MAP2K4: variants seen among roughly 807,000 people sequenced by gnomAD.
The protein encoded by MAP2K4 is mitogen-activated protein kinase kinase 4.
A neutral mutation model predicts 48.5 loss-of-function variants in MAP2K4; 4 were observed. That is an observed-to-expected ratio of 0.08 (90% CI 0.04 to 0.19). The LOEUF is 0.19. Among genes scored for constraint, MAP2K4 ranks in the 10% least tolerant of loss-of-function variants. The probability of loss-of-function intolerance (pLI) is 1.00; values close to 1 mark genes in which losing one functional copy is unlikely to be tolerated. For synonymous variants in MAP2K4, 166 were observed against 173.1 expected (o/e 0.96, Z 0.32); for missense variants, 258 against 493.3 (o/e 0.52, Z 4.52).
At chr17:12,098,009 AAG>A (rs1971816237) in intron 4 of MAP2K4, among the ~76,000 whole-genome samples, 1 of 152,200 alleles carries the variant, frequency 6.6e-6, no homozygotes, top group Admixed American at 6.5e-5. Flanking sequence ...TCTGAATAAT[AAG>A]AGTTTTAGAA....
chr17:12,027,299 A>G (rs1364282602), intron 1 of MAP2K4, among the ~76,000 whole-genome samples: 3 of 152,180 alleles, frequency 2.0e-5, no homozygotes, highest in African/African-American at 7.2e-5. Context: ...GAAGAAAACA[A>G]TTACATTGTA....
chr17:12,115,368 A>G (rs1040342075), intron 7 of MAP2K4, among the ~76,000 whole-genome samples: 3 of 152,172 alleles, frequency 2.0e-5, no homozygotes, highest in Non-Finnish European at 2.9e-5. Flanking sequence ...ATAGCCTACT[A>G]CACACATAGG....
At chr17:12,118,320 T>G (rs1401873583) in intron 7 of MAP2K4, among the ~76,000 whole-genome samples, 3 of 152,292 alleles carry the variant, frequency 2.0e-5, no homozygotes, top group Non-Finnish European at 2.9e-5. Context: ...AGAAAAACTG[T>G]GACGGGATGT....
At position 12,081,524 on chromosome 17, in the gene MAP2K4, A is replaced by G; in HGVS notation, c.387A>G (p.Ala129=). The change falls in exon 3 of 11, where the codon GCA becomes GCG. Residue 129 remains alanine, a synonymous_variant. Coordinates refer to ENST00000353533, the MANE Select transcript of MAP2K4 (RefSeq NM_003010.4). This position sits in a 1 kb window ranked among gnomAD's most constrained non-coding sequence, Gnocchi z 4.2. ...ACAAACCAAGTGGGCAAATAATGGC[A>G]GTTAAAGTAGGTGATGCCATGATTA... ...MVHKPSGQIM[A]VKRIRSTVDE... is the part of the protein sequence containing the mutation. The G allele has an allele frequency of 6.2e-7, 1 of 1,613,860 alleles. No homozygotes were observed. The highest frequency in any genetic ancestry group is 2.2e-5 in the East Asian group (1 of 44,876).
At chr17:12,088,208 A>G (rs1171654279) in intron 3 of MAP2K4, among the ~76,000 whole-genome samples, 1 of 151,892 alleles carries the variant, frequency 6.6e-6, no homozygotes, top group Non-Finnish European at 1.5e-5. Flanking sequence ...TATCCTCTAC[A>G]TCACTGACTT....
chr17:12,022,175 C>T (rs1184365767), intron 1 of MAP2K4, among the ~76,000 whole-genome samples: 2 of 152,108 alleles, frequency 1.3e-5, no homozygotes, highest in African/African-American at 2.4e-5. Context: ...TTGAATAGTT[C>T]ATGTTTATAG....
chr17:12,129,068 T>G (rs78859132), intron 8 of MAP2K4, 71 bp from the exon 9 acceptor site: 1 of 1,488,210 alleles, frequency 6.7e-7, no homozygotes, highest in South Asian at 1.2e-5. Flanking sequence ...TAGATTTTTT[T>G]GTGGCCCTTC....
In MAP2K4 at chr17:12,113,221, T is replaced by G. The variant is rs1972366939; in HGVS notation, c.686-12T>G. The G allele has an allele frequency of 6.2e-7, 1 of 1,611,698 alleles. No individual in the cohort carries two copies. The highest frequency in any genetic ancestry group is 1.3e-5 in the African/African-American group (1 of 74,872). ...AGCTAATTGTATACTGAATGATATCTATGTCTTGCAGATATCAAACCTTCC... is the reference window on the plus strand; with the variant it reads ...AGCTAATTGTATACTGAATGATATCGATGTCTTGCAGATATCAAACCTTCC... On this transcript the variant is annotated splice_polypyrimidine_tract_variant and intron_variant, in intron 6 of 10. Transcript: ENST00000353533.
At chr17:12,073,484 A>G (rs1192144359) in intron 2 of MAP2K4, among the ~76,000 whole-genome samples, 2 of 152,194 alleles carry the variant, frequency 1.3e-5, no homozygotes, top group African/African-American at 4.8e-5. Context: ...GAGTGCTCTG[A>G]TTTGTAATAT....
intron 2 of MAP2K4, among the ~76,000 whole-genome samples, chr17:12,060,050 C>T (rs1362964363): frequency 5.9e-5 from 9 of 151,920 alleles, no homozygotes; most frequent in East Asian, 3.9e-4. Context: ...TGATGGTGTG[C>T]GCCTGTGGTC....
intron 2 of MAP2K4, among the ~76,000 whole-genome samples, chr17:12,062,590 G>T (rs1970485196): frequency 6.6e-6 from 1 of 152,136 alleles, no homozygotes; most frequent in Non-Finnish European, 1.5e-5. Flanking sequence ...CGGCCTCCCA[G>T]AGTGCTGGAA....
At position 12,142,764 on chromosome 17, in the gene MAP2K4, C is replaced by T. The variant is rs550147826; in HGVS notation, c.*1504C>T. The T allele has an allele frequency of 1.7e-5, 4 of 232,900 alleles. No homozygotes were observed. Among genetic ancestry groups the T allele is most frequent in the Non-Finnish European group, 3.4e-5 (4 of 117,818 alleles). The allele number at this position is 232,900 out of a possible 1,614,324, so 14.4% of individuals were successfully genotyped here. A position where few individuals can be genotyped will look rare whatever the true frequency, so the allele number is the denominator to read the frequency against. On this transcript the variant is annotated 3_prime_UTR_variant, in exon 11 of 11. Transcript: ENST00000353533. ...AGTATCTTGTGCTTCTTCACTTACCCATTAGCCAGGTTCTCATTAGGTTTT... is the reference window on the plus strand; with the variant it reads ...AGTATCTTGTGCTTCTTCACTTACCTATTAGCCAGGTTCTCATTAGGTTTT...
intron 4 of MAP2K4, among the ~76,000 whole-genome samples, chr17:12,106,227 T>C (rs995769333): frequency 6.6e-6 from 1 of 152,176 alleles, no homozygotes; most frequent in Admixed American, 6.5e-5. Context: ...TAAACCTATT[T>C]AGATAGTGTC....
rs1277757102 is a variant in MAP2K4, at chr17:12,141,777, A to T, written c.*517A>T. On this transcript the variant is annotated 3_prime_UTR_variant, in exon 11 of 11. Transcript: ENST00000353533. The stretch of plus-strand genomic sequence containing the variant: ...TTACTTTCTTCACCAAGTGCAATAG[A>T]TTACTGATGTGATATTCTGTTGCTT... The T allele has an allele frequency of 4.3e-6, 1 of 234,794 alleles. No individual in the cohort carries two copies. The highest frequency in any genetic ancestry group is 8.4e-6 in the Non-Finnish European group (1 of 118,926). The allele number at this position is 234,794 out of a possible 1,614,324, so 14.5% of individuals were successfully genotyped here.
intron 2 of MAP2K4, among the ~76,000 whole-genome samples, chr17:12,060,765 G>A (rs992479594): frequency 6.6e-6 from 1 of 151,956 alleles, no homozygotes; most frequent in Non-Finnish European, 1.5e-5. Context: ...GTGTGTGTGT[G>A]GCTGGTTTGG....
intron 1 of MAP2K4, among the ~76,000 whole-genome samples, chr17:12,033,508 C>A (rs1969502723): frequency 6.6e-6 from 1 of 152,022 alleles, no homozygotes; most frequent in Non-Finnish European, 1.5e-5. Context: ...TAATAGAGAT[C>A]AAGCAGTTAG....
At chr17:12,047,831 T>C (rs755573726) in intron 1 of MAP2K4, among the ~76,000 whole-genome samples, 6 of 152,210 alleles carry the variant, frequency 3.9e-5, no homozygotes, top group Non-Finnish European at 8.8e-5. Flanking sequence ...ATATTAATCC[T>C]TATCACAACA....
chr17:12,051,097 G>T (rs1345480708), intron 1 of MAP2K4, among the ~76,000 whole-genome samples: 1 of 152,184 alleles, frequency 6.6e-6, no homozygotes, highest in African/African-American at 2.4e-5. Flanking sequence ...GTGGGGACAG[G>T]ACTGCTCAAT....
intron 1 of MAP2K4, among the ~76,000 whole-genome samples, chr17:12,041,513 A>G (rs1176293211): frequency 6.6e-6 from 1 of 152,254 alleles, no homozygotes; most frequent in Non-Finnish European, 1.5e-5. Flanking sequence ...TAAAAATGCC[A>G]CATATCGTTT....
Sources: gnomAD v4.1 joint callset for allele counts (sites outside exome capture counted in the v4.1 genomes callset) on GRCh38, gnomAD v4.1.1 for gene constraint, Gnocchi (gnomAD v3.1) non-coding constraint, MANE v1.5 for transcripts, NCBI Gene and HGNC (gene_info 2026-07-23, HGNC 2026-07-21) for gene names.